CERS3: variants seen among roughly 807,000 people sequenced by gnomAD.
CERS3 encodes LAG1 homolog, ceramide synthase 3.
In CERS3, 33 loss-of-function variants were observed where a neutral mutation model predicts 50.3. That is an observed-to-expected ratio of 0.66 (90% CI 0.50 to 0.88). The LOEUF (loss-of-function observed/expected upper bound fraction) is 0.88. Among genes scored for constraint, CERS3 ranks in the 40% least tolerant of loss-of-function variants. The probability of loss-of-function intolerance (pLI) is 0.00; values close to 1 mark genes in which losing one functional copy is unlikely to be tolerated. For missense variants in CERS3, 470 were observed against 460.3 expected (o/e 1.02, Z -0.19); for synonymous variants, 176 against 155.2 (o/e 1.13, Z -0.99).
chr15:100,424,637 T>C (rs2585219), intron 11 of CERS3, among the ~76,000 whole-genome samples: 57,156 of 152,140 alleles, frequency 0.38, 11,240 homozygotes, highest in East Asian at 0.55. Flanking sequence ...TTAGGGTATC[T>C]GGTAGAAGAA....
At chr15:100,447,275 C>T (rs2033981112) in intron 11 of CERS3, among the ~76,000 whole-genome samples, 1 of 152,200 alleles carries the variant, frequency 6.6e-6, no homozygotes, top group Non-Finnish European at 1.5e-5. Context: ...TTGATTTCAG[C>T]TCTTATCTAA....
chr15:100,543,691 G>A lies in CERS3; in HGVS notation c.-355+960C>T, dbSNP rs1177451355. Among the ~76,000 whole-genome samples, 5 of 151,940 alleles carry A rather than the reference G, an allele frequency of 3.3e-5. No homozygotes were observed. The South Asian group carries it at 6.2e-4, about 19-fold the overall frequency. On this transcript the variant is annotated intron_variant, in intron 1 of 12. Coordinates refer to the CERS3 transcript ENST00000284382. ...ATCACAGGTGCCCACCACCACGCTC[G>A]GCTTATTTTTGTATTTTGAGTAGAG...
chr15:100,455,418 C>A (rs927854710), intron 11 of CERS3, among the ~76,000 whole-genome samples: 1 of 152,060 alleles, frequency 6.6e-6, no homozygotes, highest in Non-Finnish European at 1.5e-5. Flanking sequence ...CTGTAGTTAA[C>A]AACAATACAC....
rs116521824 is a variant in CERS3 at position 100,472,948 on chromosome 15, G to A, written c.714C>T (p.His238=). The A allele has an allele frequency of 2.4e-4, 395 of 1,613,886 alleles. 3 individuals are homozygous for A. In the African/African-American group the frequency reaches 4.1e-3, roughly 17 times the overall value. ...CCTCCAGCCAAATGTCAGCCACATCGTGTACAATCATCACGAGGGTCCCAC... is the reference window on the plus strand; with the variant it reads ...CCTCCAGCCAAATGTCAGCCACATCATGTACAATCATCACGAGGGTCCCAC... ...IRSGTLVMIV[H]DVADIWLESA... The change falls in exon 9 of 12, where the codon CAC becomes CAT. Residue 238 remains histidine, a synonymous_variant. Transcript: ENST00000679737.
intron 11 of CERS3, among the ~76,000 whole-genome samples, chr15:100,429,745 T>A (rs73488552): frequency 0.044 from 6,763 of 152,232 alleles, 273 homozygotes; most frequent in African/African-American, 0.099. Context: ...AGCTTCACCA[T>A]CTGTGTTTCT....
At chr15:100,412,583 C>G (rs986547374) in intron 11 of CERS3, among the ~76,000 whole-genome samples, 2 of 152,046 alleles carry the variant, frequency 1.3e-5, no homozygotes. Flanking sequence ...AAAACATGAC[C>G]TTAAGATCAG....
chr15:100,456,159 A>C, intron 10 of CERS3, 113 bp from the exon 11 acceptor site: 1 of 629,648 alleles, frequency 1.6e-6, no homozygotes, highest in Non-Finnish European at 2.4e-6. Context: ...GTTTCTAATA[A>C]AGCCCAGAAA....
At chr15:100,410,421 A>T (rs2031389432) in intron 11 of CERS3, among the ~76,000 whole-genome samples, 1 of 152,186 alleles carries the variant, frequency 6.6e-6, no homozygotes, top group African/African-American at 2.4e-5. Flanking sequence ...GTTTAGTTTG[A>T]GAACATACAA....
intron 2 of CERS3, among the ~76,000 whole-genome samples, chr15:100,506,471 CG>C (rs1440508749): frequency 2.0e-3 from 4 of 2,000 alleles, no homozygotes; most frequent in Non-Finnish European, 4.0e-3. Context: ...ACCCCCCCGC[CG>C]CCCCACACAC....
intron 2 of CERS3, among the ~76,000 whole-genome samples, chr15:100,519,305 T>TC (rs1387696642): frequency 6.6e-6 from 1 of 152,114 alleles, no homozygotes; most frequent in East Asian, 1.9e-4. Flanking sequence ...CCCCCTTCAC[T>TC]CCCATCCCCA....
intron 1 of CERS3, among the ~76,000 whole-genome samples, chr15:100,537,616 C>A (rs1181422337): frequency 6.6e-6 from 1 of 152,212 alleles, no homozygotes; most frequent in East Asian, 1.9e-4. Context: ...AACTCCTTCA[C>A]TATCACATGA....
intron 1 of CERS3, among the ~76,000 whole-genome samples, chr15:100,541,917 C>G (rs556153593): frequency 1.3e-5 from 2 of 152,184 alleles, no homozygotes; most frequent in African/African-American, 4.8e-5. Flanking sequence ...CTCGGCAAGG[C>G]CTATTTACAA....
intron 2 of CERS3, among the ~76,000 whole-genome samples, chr15:100,515,601 G>A (rs2036466865): frequency 6.6e-6 from 1 of 151,932 alleles, no homozygotes; most frequent in South Asian, 2.1e-4. Context: ...AGGTATGACT[G>A]AAGTCAGAGG....
intron 11 of CERS3, among the ~76,000 whole-genome samples, chr15:100,431,158 A>G (rs569179979): frequency 6.6e-6 from 1 of 152,350 alleles, no homozygotes; most frequent in Non-Finnish European, 1.5e-5. Flanking sequence ...TTGTGAAAAG[A>G]AAAAGTTGCA....
intron 4 of CERS3, among the ~76,000 whole-genome samples, chr15:100,490,445 C>A (rs1261373836): frequency 6.6e-6 from 1 of 152,136 alleles, no homozygotes; most frequent in African/African-American, 2.4e-5. Context: ...CCACAATCAT[C>A]AAAATTGTCA....
intron 11 of CERS3, among the ~76,000 whole-genome samples, chr15:100,442,832 G>C (rs1211329268): frequency 2.0e-5 from 3 of 152,150 alleles, no homozygotes; most frequent in African/African-American, 7.2e-5. Context: ...AACTCTCACA[G>C]TGGAAGGTAA....
chr15:100,513,421 C>G (rs1423188259), intron 2 of CERS3, among the ~76,000 whole-genome samples: 1 of 152,166 alleles, frequency 6.6e-6, no homozygotes, highest in Non-Finnish European at 1.5e-5. Flanking sequence ...GGCGGTTGGA[C>G]CCCTGCCTAC....
intron 1 of CERS3, 44 bp from the exon 2 acceptor site, chr15:100,521,800 A>C (rs1440977255): frequency 6.6e-6 from 1 of 152,216 alleles, no homozygotes; most frequent in Admixed American, 6.5e-5. Flanking sequence ...ATATTACACA[A>C]CTGTGCCCAT....
chr15:100,453,894 A>G (rs1223855226), intron 11 of CERS3, among the ~76,000 whole-genome samples: 1 of 152,230 alleles, frequency 6.6e-6, no homozygotes, highest in Admixed American at 6.5e-5. Context: ...CATTTACAAT[A>G]ACTACAAAAA....
Sources: allele counts gnomAD v4.1 joint callset (sites outside exome capture counted in the v4.1 genomes callset), GRCh38; gene constraint gnomAD v4.1.1; transcripts MANE v1.5; gene names NCBI Gene and HGNC (gene_info 2026-07-23, HGNC 2026-07-21).